The following CCDC192 variants were observed in gnomAD, a reference collection of about 807,000 sequenced individuals.
The protein encoded by CCDC192 is coiled-coil domain-containing protein 192.
chr5:127,903,645 A>C (rs888715793), intron 6 of CCDC192, among the ~76,000 whole-genome samples: 2 of 152,164 alleles, frequency 1.3e-5, no homozygotes, highest in African/African-American at 4.8e-5. Flanking sequence ...AATAATGTCA[A>C]CTGCTCCCAA....
intron 6 of CCDC192, among the ~76,000 whole-genome samples, chr5:127,914,464 T>C (rs1753461804): frequency 6.6e-6 from 1 of 152,156 alleles, no homozygotes; most frequent in Admixed American, 6.5e-5. Context: ...TCAGTTCATA[T>C]CAGGTTTTGC....
At chr5:127,713,670 A>G (rs1169138095) in intron 2 of CCDC192, among the ~76,000 whole-genome samples, 1 of 152,140 alleles carries the variant, frequency 6.6e-6, no homozygotes, top group African/African-American at 2.4e-5. Flanking sequence ...TTATTCTAGG[A>G]ATGTTATACT....
intron 5 of CCDC192, among the ~76,000 whole-genome samples, chr5:127,814,057 A>G (rs2127005618): frequency 6.6e-6 from 1 of 152,274 alleles, no homozygotes; most frequent in South Asian, 2.1e-4. Flanking sequence ...GTGAATTGCT[A>G]TTGTCTGTCC....
At chr5:127,932,624 G>T (rs1370130257) in intron 6 of CCDC192, among the ~76,000 whole-genome samples, 1 of 152,182 alleles carries the variant, frequency 6.6e-6, no homozygotes, top group Non-Finnish European at 1.5e-5. Context: ...TAACCTTCGG[G>T]CTGATGCTTT....
intron 3 of CCDC192, chr5:127,785,032 G>A: frequency 2.1e-6 from 1 of 483,038 alleles, no homozygotes; most frequent in Admixed American, 2.3e-5. Context: ...TAGGACTTAT[G>A]CCAAAATGTC....
At chr5:127,877,057 A>G (rs1006617611) in intron 6 of CCDC192, among the ~76,000 whole-genome samples, 3 of 152,218 alleles carry the variant, frequency 2.0e-5, no homozygotes, top group Non-Finnish European at 2.9e-5. Context: ...GAAACTGACA[A>G]TGATTGTAGA....
chr5:127,706,119 T>C (rs998458351), intron 1 of CCDC192, among the ~76,000 whole-genome samples: 3 of 152,084 alleles, frequency 2.0e-5, no homozygotes, highest in African/African-American at 7.2e-5. Context: ...TGGTTTCAAA[T>C]TTTTTGAAAA....
chr5:127,898,725 T>G (rs1475120766), intron 6 of CCDC192, among the ~76,000 whole-genome samples: 1 of 152,044 alleles, frequency 6.6e-6, no homozygotes, highest in Non-Finnish European at 1.5e-5. Context: ...CATGGTACCC[T>G]TCATGCTAAG....
intron 3 of CCDC192, chr5:127,786,395 T>C: frequency 1.6e-6 from 1 of 624,976 alleles, no homozygotes; most frequent in Non-Finnish European, 3.0e-6. Flanking sequence ...TAGGGCCCTT[T>C]GCAAATGCAT....
chr5:127,932,913 TTGTAGGTAAGATGGCCAGGGAAGGCTTC>T (rs1754079710), intron 6 of CCDC192, among the ~76,000 whole-genome samples: 1 of 151,952 alleles, frequency 6.6e-6, no homozygotes, highest in East Asian at 1.9e-4. Context: ...TGGGTTGAAA[TTGTAGGTAAGATGGCCAGGGAAGGCTTC>T]ACTGTGTGAA....
intron 5 of CCDC192, among the ~76,000 whole-genome samples, chr5:127,821,916 T>C (rs761963827): frequency 2.0e-5 from 3 of 152,162 alleles, no homozygotes; most frequent in Non-Finnish European, 4.4e-5. Context: ...TAACTGTAAA[T>C]ATCTCACAAG....
chr5:127,729,278 A>G (rs1752504827), intron 2 of CCDC192, among the ~76,000 whole-genome samples: 1 of 152,318 alleles, frequency 6.6e-6, no homozygotes, highest in Middle Eastern at 3.4e-3. Flanking sequence ...GGCATTACAT[A>G]ATGGTAAAGG....
intron 3 of CCDC192, among the ~76,000 whole-genome samples, chr5:127,776,284 T>C (rs1755853668): frequency 6.6e-6 from 1 of 152,162 alleles, no homozygotes; most frequent in Non-Finnish European, 1.5e-5. Context: ...TTGCTCTTTT[T>C]ATGCTTTAGC....
At chr5:127,827,589 T>C (rs1476166274) in intron 5 of CCDC192, among the ~76,000 whole-genome samples, 2 of 152,196 alleles carry the variant, frequency 1.3e-5, no homozygotes, top group Admixed American at 1.3e-4. Context: ...AATATTTAAT[T>C]AGTGTAAAAG....
intron 6 of CCDC192, among the ~76,000 whole-genome samples, chr5:127,937,747 A>C (rs1197633747): frequency 6.6e-6 from 1 of 152,220 alleles, no homozygotes; most frequent in African/African-American, 2.4e-5. Flanking sequence ...GTGACTGCCT[A>C]TGCAATGCCG....
chr5:127,809,307 G>A (rs1205733839), intron 5 of CCDC192, among the ~76,000 whole-genome samples: 1 of 150,144 alleles, frequency 6.7e-6, no homozygotes, highest in African/African-American at 2.5e-5. Context: ...AGAAATATCA[G>A]GAAAAAAAAT....
intron 2 of CCDC192, among the ~76,000 whole-genome samples, chr5:127,709,169 G>T (rs1341950203): frequency 4.3e-5 from 5 of 116,408 alleles, no homozygotes; most frequent in African/African-American, 1.6e-4. Context: ...GAGGGGGAGA[G>T]GGGGAGAGAG....
At chr5:127,853,994 G>A (rs2127090221) in intron 5 of CCDC192, among the ~76,000 whole-genome samples, 1 of 152,164 alleles carries the variant, frequency 6.6e-6, no homozygotes, top group East Asian at 1.9e-4. Context: ...AAGGCACCAT[G>A]GCACCTTCAT....
At chr5:127,831,370 ATATGTGTGCGTGTG>A (rs1749787956) in intron 5 of CCDC192, among the ~76,000 whole-genome samples, 1 of 151,728 alleles carries the variant, frequency 6.6e-6, no homozygotes, top group Admixed American at 6.6e-5. Context: ...GTGCGTGTGT[ATATGTGTGCGTGTG>A]TGTGTGTGCA....
Sources: gnomAD v4.1 joint callset for allele counts (sites outside exome capture counted in the v4.1 genomes callset) on GRCh38, gnomAD v4.1.1 for gene constraint, MANE v1.5 for transcripts, NCBI Gene and HGNC (gene_info 2026-07-23, HGNC 2026-07-21) for gene names.